The following IFNLR1 variants were observed in gnomAD, a reference collection of about 807,000 sequenced individuals.
IFNLR1 encodes the protein CRF2-12.
Under a neutral mutation model 52.5 loss-of-function variants are expected in IFNLR1, and 28 were observed. The observed-to-expected ratio is 0.53, with a 90% CI of 0.40 to 0.73. IFNLR1 has a LOEUF of 0.73. Among genes scored for constraint, IFNLR1 ranks in the 30% least tolerant of loss-of-function variants. The pLI is 0.00. For missense variants in IFNLR1, 623 were observed against 659.1 expected, an observed-to-expected ratio of 0.95 and a Z score of 0.60; for synonymous variants, 276 against 274.9, an observed-to-expected ratio of 1.00 and a Z score of -0.04.
intron 1 of IFNLR1, among the ~76,000 whole-genome samples, chr1:24,183,468 A>G (rs1644710826): frequency 6.6e-6 from 1 of 152,164 alleles, no homozygotes; most frequent in Non-Finnish European, 1.5e-5. Context: ...GCAGGGCACA[A>G]TGGTGAGAGT....
Position 24,181,720 on chromosome 1 carries a change from G to A in IFNLR1, c.59-866C>T, listed in dbSNP as rs78970290. On this transcript the variant is annotated intron_variant, in intron 1 of 6. Transcript: ENST00000327535. ...TCTCAGGAACCCAGGCCCAGCCCAG[G>A]CCTGGTTTTCCCTGGGTTGCTGGGA... Among the ~76,000 whole-genome samples, 1,473 of 152,170 alleles carry A rather than the reference G, an allele frequency of 9.7e-3. 6 individuals carry two copies. Among genetic ancestry groups the A allele is most frequent in the Non-Finnish European group, 0.013 (901 of 68,008 alleles).
chr1:24,162,881 TTCCTTCCTTCCTTCC>T lies in IFNLR1; in HGVS notation c.368-1212_368-1198del, dbSNP rs1557644402. On this transcript the variant is annotated intron_variant, in intron 3 of 6. Coordinates refer to ENST00000327535, the MANE Select transcript of IFNLR1 (RefSeq NM_170743.4). ...TTTCTTTCTTTCTTTCTTTCTTTCC[TTCCTTCCTTCCTTCC>T]TTCCTTCCTTCCTTCCTTCCTTTTC... Among the ~76,000 whole-genome samples, 509 of 64,282 alleles carry T rather than the reference TTCCTTCCTTCCTTCC, an allele frequency of 7.9e-3. 4 individuals are homozygous for T. The highest frequency in any genetic ancestry group is 0.026 in the East Asian group (34 of 1,302). 42.2% of individuals were successfully genotyped at this position (64,282 alleles called of 152,430 possible).
intron 1 of IFNLR1, among the ~76,000 whole-genome samples, chr1:24,184,680 A>G (rs1334688512): frequency 6.6e-6 from 1 of 152,148 alleles, no homozygotes; most frequent in Non-Finnish European, 1.5e-5. Flanking sequence ...ATCTTCCTTG[A>G]CATATCTACG....
chr1:24,186,240 G>A (rs999805138), intron 1 of IFNLR1, among the ~76,000 whole-genome samples: 1 of 152,078 alleles, frequency 6.6e-6, no homozygotes, highest in Non-Finnish European at 1.5e-5. Flanking sequence ...TGTCCCACGT[G>A]CCTACCCTGG....
At position 24,157,730 on chromosome 1, in the gene IFNLR1, G is replaced by A. The variant is rs74399859; in HGVS notation, c.963C>T (p.Asp321=). ...PATQQTRWKK[D]LAEDEEEEDE... The stretch of plus-strand genomic sequence containing the variant: ...CCTCCTCCTCTTCGTCCTCTGCAAG[G>A]TCCTTCTTCCATCTTGTCTGTTGGG... Residue 321 remains aspartate (D), a synonymous_variant, in exon 7 of 7, where the codon GAC becomes GAT. Coordinates refer to ENST00000327535, the MANE Select transcript of IFNLR1 (RefSeq NM_170743.4). The surrounding 1 kb of genome is among the most constrained non-coding windows in gnomAD (Gnocchi z 5.1). The A allele has an allele frequency of 1.2e-6, 2 of 1,614,078 alleles. No individual in the cohort carries two copies. Among genetic ancestry groups the A allele is most frequent in the South Asian group, 1.1e-5 (1 of 91,088 alleles).
chr1:24,159,216 CAAT>C, intron 5 of IFNLR1, 34 bp from the exon 6 acceptor site: 5 of 1,612,732 alleles, frequency 3.1e-6, no homozygotes, highest in Non-Finnish European at 4.2e-6. Context: ...AGAGAAACAA[CAAT>C]GGCTCTTGTC....
At position 24,157,953 on chromosome 1, in the gene IFNLR1, C is replaced by G. The variant is rs757146848; in HGVS notation, c.802-62G>C. The G allele has an allele frequency of 7.1e-7, 1 of 1,402,288 alleles. No individual in the cohort carries two copies. Among genetic ancestry groups the G allele is most frequent in the Non-Finnish European group, 9.6e-7 (1 of 1,041,324 alleles). The allele number at this position is 1,402,288 out of a possible 1,614,324, so 86.9% of individuals were successfully genotyped here. Reference sequence around the variant, plus strand: ...GGCTTTCCTGAAGCATAATTATCATCATCTGAATTCCCCTAGAAACAGACC... The same window carrying G: ...GGCTTTCCTGAAGCATAATTATCATGATCTGAATTCCCCTAGAAACAGACC... On this transcript the variant is annotated intron_variant, in intron 6 of 6. Coordinates refer to ENST00000327535, the MANE Select transcript of IFNLR1 (RefSeq NM_170743.4). The surrounding 1 kb of genome is among the most constrained non-coding windows in gnomAD (Gnocchi z 5.1).
chr1:24,157,489 C>G lies in IFNLR1; in HGVS notation c.1204G>C (p.Gly402Arg). The change falls in exon 7 of 7, where the codon GGG (glycine) becomes CGG (arginine). Residue 402 changes from glycine (G) to arginine (R), a missense_variant. Gly to Arg is a moderately radical substitution (Grantham distance 125). Transcript: ENST00000327535. The surrounding 1 kb of genome is among the most constrained non-coding windows in gnomAD (Gnocchi z 5.1). ...STVDSSWDRA[G>R]SSGYLAEKGP... ...TTCTCAGCCAAATAGCCAGAGGACC[C>G]AGCCCTGTCCCAGGAGGAGTCCACA... 6.2e-7 allele frequency: 1 copy of G among 1,613,174 alleles called. No individual in the cohort carries two copies. The highest frequency in any genetic ancestry group is 8.5e-7 in the Non-Finnish European group (1 of 1,179,532).
At chr1:24,161,465 T>A (rs773827927) in intron 4 of IFNLR1, 77 bp downstream of exon 4, 21 of 1,507,418 alleles carry the variant, frequency 1.4e-5, no homozygotes, top group Middle Eastern at 3.4e-4. Flanking sequence ...AGGAGCAGGC[T>A]GGGAGGGTGA....
At chr1:24,186,499 A>G (rs1321627356) in intron 1 of IFNLR1, among the ~76,000 whole-genome samples, 1 of 152,120 alleles carries the variant, frequency 6.6e-6, no homozygotes, top group African/African-American at 2.4e-5. Context: ...AGGGACCTTT[A>G]CAGCTCTTTA....
chr1:24,161,812 G>A (rs534599898), intron 3 of IFNLR1, 128 bp from the exon 4 acceptor site: 6 of 877,156 alleles, frequency 6.8e-6, no homozygotes, highest in African/African-American at 1.7e-5. Flanking sequence ...TGTGCACCTA[G>A]CACCTTATAA....
At chr1:24,183,722 A>C (rs1252884172) in intron 1 of IFNLR1, among the ~76,000 whole-genome samples, 1 of 151,970 alleles carries the variant, frequency 6.6e-6, no homozygotes, top group Non-Finnish European at 1.5e-5. Flanking sequence ...TAAACTCAAA[A>C]GTCTTTATTA....
intron 3 of IFNLR1, among the ~76,000 whole-genome samples, chr1:24,162,855 CTTTCTTTCTTTCTTTCTTTCT>C: frequency 1.4e-5 from 1 of 70,990 alleles, no homozygotes; most frequent in African/African-American, 6.3e-5. Flanking sequence ...TTCTTTCTTT[CTTTCTTTCTTTCTTTCTTTCT>C]TTCCTTCCTT....
rs1222986497 is a variant in IFNLR1 at position 24,162,820 on chromosome 1, TTC to T, written c.368-1138_368-1137del. On this transcript the variant is annotated intron_variant, in intron 3 of 6. Coordinates refer to ENST00000327535, the MANE Select transcript of IFNLR1 (RefSeq NM_170743.4). Reference sequence around the variant, plus strand: ...TCTTTCTTTTTTCTTTCTTTTTTTCTTCTTTCTTTCTTTTCTTTCTTTCTTTC... The same window carrying T: ...TCTTTCTTTTTTCTTTCTTTTTTTCTTTTCTTTCTTTTCTTTCTTTCTTTC... Among the ~76,000 whole-genome samples the T allele has an allele frequency of 2.9e-3, 84 of 29,328 alleles. 1 individual carries two copies. The highest frequency in any genetic ancestry group is 0.017 in the Middle Eastern group (1 of 60). 19.2% of individuals were successfully genotyped at this position (29,328 alleles called of 152,430 possible). A position where few individuals can be genotyped will look rare whatever the true frequency, so the allele number is the denominator to read the frequency against.
At chr1:24,180,681 C>G in intron 2 of IFNLR1, 50 bp downstream of exon 2, 1 of 1,201,982 alleles carries the variant, frequency 8.3e-7, no homozygotes, top group Non-Finnish European at 1.2e-6. Flanking sequence ...CTCCAGCCCC[C>G]ACCCACCCCC....
chr1:24,183,101 C>G (rs1189897587), intron 1 of IFNLR1, among the ~76,000 whole-genome samples: 2 of 152,070 alleles, frequency 1.3e-5, no homozygotes, highest in Non-Finnish European at 1.5e-5. Context: ...CAGTTCTGCT[C>G]TAGATCATAA....
intron 2 of IFNLR1, 55 bp downstream of exon 2, chr1:24,180,676 G>GCCCCCCCCCC: frequency 1.1e-5 from 5 of 455,860 alleles, no homozygotes; most frequent in South Asian, 1.8e-5. Context: ...AGCCCCTCCA[G>GCCCCCCCCCC]CCCCCACCCA....
rs80148543 is a variant in IFNLR1 at position 24,157,681 on chromosome 1, C to T, written c.1012G>A (p.Val338Ile). 72 of 1,613,042 alleles carry T rather than the reference C, an allele frequency of 4.5e-5. No homozygotes were observed. The highest frequency in any genetic ancestry group is 3.8e-4 in the East Asian group (17 of 44,870). Residue 338 changes from valine to isoleucine, a missense_variant, in exon 7 of 7, where the codon GTC (valine) becomes ATC (isoleucine). By Grantham distance (29) the Val-to-Ile change is conservative. Coordinates refer to ENST00000327535, the MANE Select transcript of IFNLR1 (RefSeq NM_170743.4). The surrounding 1 kb of genome is among the most constrained non-coding windows in gnomAD (Gnocchi z 5.1). ...EEDEEDTEDG[V>I]SFQPYIEPPS... is the part of the protein sequence containing the mutation. ...GGTTCAATGTAGGGCTGGAAGCTGA[C>T]GCCATCTTCTGTGTCCTCCTCATCC... is the stretch of plus-strand genomic sequence containing the variant.
chr1:24,162,791 T>G (rs1454471147), intron 3 of IFNLR1, among the ~76,000 whole-genome samples: 2 of 94,298 alleles, frequency 2.1e-5, no homozygotes, highest in Non-Finnish European at 4.5e-5. Flanking sequence ...TCTTTCTTTT[T>G]CTTTCTTTCT....
Sources: gnomAD v4.1 joint callset for allele counts (sites outside exome capture counted in the v4.1 genomes callset) on GRCh38, gnomAD v4.1.1 for gene constraint, Gnocchi (gnomAD v3.1) non-coding constraint, MANE v1.5 for transcripts, NCBI Gene and HGNC (gene_info 2026-07-23, HGNC 2026-07-21) for gene names.